PRKCA: variants seen among roughly 807,000 people sequenced by gnomAD.
The protein encoded by PRKCA is protein kinase C alpha type.
In PRKCA, 27 loss-of-function variants were observed where a neutral mutation model predicts 87.0. The observed-to-expected ratio is 0.31, with a 90% CI of 0.23 to 0.43. The LOEUF (loss-of-function observed/expected upper bound fraction) is 0.43. PRKCA is among the 20% of genes least tolerant of loss of function. The pLI, the probability that PRKCA is intolerant of heterozygous loss-of-function variation, is 1.00. For missense variants in PRKCA, 518 were observed against 852.3 expected (o/e 0.61, Z 4.88); for synonymous variants, 329 against 311.1 (o/e 1.06, Z -0.61).
At chr17:66,307,610 A>AT (rs1904888681) in intron 2 of PRKCA, among the ~76,000 whole-genome samples, 1 of 152,166 alleles carries the variant, frequency 6.6e-6, no homozygotes, top group South Asian at 2.1e-4. Context: ...AATAAGGTTG[A>AT]TTAGAATAAG....
chr17:66,489,015 C>T (rs946152102), intron 2 of PRKCA, among the ~76,000 whole-genome samples: 4 of 152,016 alleles, frequency 2.6e-5, no homozygotes, highest in African/African-American at 9.7e-5. Context: ...TCTGCTGTGA[C>T]GTTGCCTTTC....
intron 3 of PRKCA, among the ~76,000 whole-genome samples, chr17:66,561,566 T>C (rs1157184923): frequency 2.6e-5 from 4 of 152,214 alleles, no homozygotes; most frequent in Admixed American, 6.5e-5. Context: ...CTTCTGGATA[T>C]AGACCCAGAA....
Position 66,804,305 on chromosome 17 carries a change from T to A in PRKCA, c.*268T>A, listed in dbSNP as rs1975974724. 4 of 345,604 alleles carry A rather than the reference T, an allele frequency of 1.2e-5. No individual in the cohort carries two copies. Among genetic ancestry groups the A allele is most frequent in the Non-Finnish European group, 2.1e-5 (4 of 193,438 alleles). The allele number at this position is 345,604 out of a possible 1,614,324, so 21.4% of individuals were successfully genotyped here. The stretch of plus-strand genomic sequence containing the variant: ...TTACGTCTGGCTCTAGGTTAACCCT[T>A]CCTAGAAAGCAAGCAGACTGTTGCC... On this transcript the variant is annotated 3_prime_UTR_variant, in exon 17 of 17. Coordinates refer to ENST00000413366, the MANE Select transcript of PRKCA (RefSeq NM_002737.3).
intron 3 of PRKCA, among the ~76,000 whole-genome samples, chr17:66,536,898 T>C (rs1967807339): frequency 6.6e-6 from 1 of 152,196 alleles, no homozygotes; most frequent in African/African-American, 2.4e-5. Context: ...GCTTGATAGA[T>C]AGAGGTGAAC....
chr17:66,716,154 T>G (rs1250148793), intron 8 of PRKCA, among the ~76,000 whole-genome samples: 1 of 128,196 alleles, frequency 7.8e-6, no homozygotes, highest in African/African-American at 2.7e-5. Flanking sequence ...TCTCCCCGGG[T>G]TTTTTTTTTT....
chr17:66,525,993 A>G (rs1475653516), intron 3 of PRKCA, among the ~76,000 whole-genome samples: 1 of 152,188 alleles, frequency 6.6e-6, no homozygotes, highest in African/African-American at 2.4e-5. Flanking sequence ...TGCCTTTATG[A>G]TAATGATATA....
chr17:66,692,010 C>T (rs1972796867), intron 8 of PRKCA, among the ~76,000 whole-genome samples: 1 of 152,212 alleles, frequency 6.6e-6, no homozygotes, highest in Non-Finnish European at 1.5e-5. Context: ...CTGAGCAAAA[C>T]GAAGCATTTC....
chr17:66,781,887 A>ATATATAGTGT (rs767300220), intron 14 of PRKCA, among the ~76,000 whole-genome samples: 12 of 125,616 alleles, frequency 9.6e-5, no homozygotes, highest in African/African-American at 1.3e-4. Context: ...ATATATATAT[A>ATATATAGTGT]GTGTGTGTGT....
intron 2 of PRKCA, among the ~76,000 whole-genome samples, chr17:66,394,650 C>A (rs1337461479): frequency 6.6e-6 from 1 of 152,062 alleles, no homozygotes; most frequent in Admixed American, 6.6e-5. Context: ...GTGTCCCCAC[C>A]CAAATCTCAT....
intron 3 of PRKCA, among the ~76,000 whole-genome samples, chr17:66,617,588 T>C (rs1454054769): frequency 1.3e-5 from 2 of 152,144 alleles, no homozygotes; most frequent in Admixed American, 6.5e-5. Context: ...TGCCTCCACC[T>C]GCCAAACCCA....
At chr17:66,538,843 T>C (rs1334223287) in intron 3 of PRKCA, among the ~76,000 whole-genome samples, 2 of 152,114 alleles carry the variant, frequency 1.3e-5, no homozygotes, top group African/African-American at 4.8e-5. Flanking sequence ...TACCTGACAG[T>C]GTAATGTGCC....
At chr17:66,635,671 G>T (rs1971134776) in intron 3 of PRKCA, among the ~76,000 whole-genome samples, 1 of 152,196 alleles carries the variant, frequency 6.6e-6, no homozygotes, top group Non-Finnish European at 1.5e-5. Context: ...TTGAGTTAAT[G>T]TATTTCACCA....
At chr17:66,641,317 C>T (rs763773445) in intron 3 of PRKCA, 38 bp from the exon 4 acceptor site, 12 of 1,515,016 alleles carry the variant, frequency 7.9e-6, no homozygotes, top group Non-Finnish European at 1.0e-5. Context: ...GTGGTCCTTT[C>T]ATGACTAAAA....
At chr17:66,335,601 GA>G (rs1285828500) in intron 2 of PRKCA, among the ~76,000 whole-genome samples, 3 of 150,900 alleles carry the variant, frequency 2.0e-5, no homozygotes, top group African/African-American at 7.3e-5. Context: ...AAAAAAAAAA[GA>G]ACTGTGTGCT....
chr17:66,440,051 C>A lies in PRKCA; in HGVS notation c.206-56150C>A, dbSNP rs75530392. ...TAAATAAGGGTCTTGGGGTTTTCCCCCCTTCCAAGATGTATTAAGAAGGTT... is the reference window on the plus strand; with the variant it reads ...TAAATAAGGGTCTTGGGGTTTTCCCACCTTCCAAGATGTATTAAGAAGGTT... On this transcript the variant is annotated intron_variant, in intron 2 of 16. Coordinates refer to ENST00000413366, the MANE Select transcript of PRKCA (RefSeq NM_002737.3). Among the ~76,000 whole-genome samples the A allele has an allele frequency of 2.2e-3, 332 of 152,194 alleles. 1 individual carries two copies. Among genetic ancestry groups the A allele is most frequent in the African/African-American group, 7.5e-3 (313 of 41,524 alleles).
chr17:66,336,754 TTGTGTGTGTGTGTGTGTGTGTGTGTGTG>T (rs148842588), intron 2 of PRKCA, among the ~76,000 whole-genome samples: 2 of 133,736 alleles, frequency 1.5e-5, no homozygotes, highest in East Asian at 2.3e-4. Flanking sequence ...GCAAATAAGT[TTGTGTGTGTGTGTGTGTGTGTGTGTGTG>T]TGTGTGTGTG....
intron 3 of PRKCA, among the ~76,000 whole-genome samples, chr17:66,556,458 A>G (rs1050515092): frequency 6.6e-6 from 1 of 152,054 alleles, no homozygotes; most frequent in African/African-American, 2.4e-5. Flanking sequence ...AGCTAAAGAA[A>G]TGGAAATATT....
intron 2 of PRKCA, among the ~76,000 whole-genome samples, chr17:66,461,162 C>T (rs1455904304): frequency 6.9e-6 from 1 of 145,420 alleles, no homozygotes; most frequent in African/African-American, 2.5e-5. Flanking sequence ...GCTATGTTCA[C>T]GTCACTGCAC....
intron 2 of PRKCA, among the ~76,000 whole-genome samples, chr17:66,427,370 G>A (rs1024589895): frequency 1.3e-5 from 2 of 152,210 alleles, no homozygotes; most frequent in Non-Finnish European, 2.9e-5. Flanking sequence ...TTGGCATGCA[G>A]CAATGTCATA....
Sources: allele counts gnomAD v4.1 joint callset (sites outside exome capture counted in the v4.1 genomes callset), GRCh38; gene constraint gnomAD v4.1.1; transcripts MANE v1.5; gene names NCBI Gene and HGNC (gene_info 2026-07-23, HGNC 2026-07-21).